Variants in TAPT1 observed in about 807,000 individuals in gnomAD.
TAPT1 encodes transmembrane anterior posterior transformation protein 1 homolog.
Under a neutral mutation model 65.6 loss-of-function variants are expected in TAPT1, and 28 were observed. That is an observed-to-expected ratio of 0.43 (90% CI 0.32 to 0.59). TAPT1 has a LOEUF of 0.59. Among genes scored for constraint, TAPT1 ranks in the 20% least tolerant of loss-of-function variants. The pLI is 0.09. For missense variants in TAPT1, 563 were observed against 679.9 expected (o/e 0.83, Z 1.91); for synonymous variants, 278 against 245.2 (o/e 1.13, Z -1.25).
chr4:16,169,205 T>A (rs1440008377), intron 12 of TAPT1, among the ~76,000 whole-genome samples: 1 of 152,156 alleles, frequency 6.6e-6, no homozygotes, highest in African/African-American at 2.4e-5. Flanking sequence ...TGAGGCGACA[T>A]GGGAGGCTGG....
chr4:16,193,708 T>G (rs548800337), intron 3 of TAPT1, among the ~76,000 whole-genome samples: 2 of 152,198 alleles, frequency 1.3e-5, no homozygotes, highest in Non-Finnish European at 2.9e-5. Flanking sequence ...GGCCTTGGTG[T>G]GACTGTCTCC....
intron 13 of TAPT1, among the ~76,000 whole-genome samples, chr4:16,165,886 T>C (rs564106849): frequency 3.3e-4 from 51 of 152,260 alleles, no homozygotes; most frequent in African/African-American, 1.1e-3. Flanking sequence ...CCCACCCCTC[T>C]GGAGTTTATT....
chr4:16,163,416 A>C lies in TAPT1; in HGVS notation c.1596T>G (p.Gly532=). The C allele has an allele frequency of 3.1e-6, 5 of 1,613,922 alleles. No homozygotes were observed. The highest frequency in any genetic ancestry group is 4.2e-6 in the Non-Finnish European group (5 of 1,179,858). The change falls in exon 14 of 14, where the codon GGT becomes GGG. Residue 532 remains glycine (G), a synonymous_variant. Coordinates refer to ENST00000405303, the MANE Select transcript of TAPT1 (RefSeq NM_153365.3). The part of the protein sequence containing the change: ...NSDQFLTTPD[G]DEKDITQDNS... ...TGTCCTGCGTTATGTCCTTCTCGTCACCATCTGGAGTTGTCAAAAACTGAT... is the reference window on the plus strand; with the variant it reads ...TGTCCTGCGTTATGTCCTTCTCGTCCCCATCTGGAGTTGTCAAAAACTGAT...
chr4:16,207,289 T>A (rs77139521), intron 2 of TAPT1, among the ~76,000 whole-genome samples: 6,421 of 152,290 alleles, frequency 0.042, 220 homozygotes, highest in African/African-American at 0.086. Flanking sequence ...AGTTTCACAA[T>A]GAAATCCCAG....
intron 7 of TAPT1, 67 bp from the exon 8 acceptor site, chr4:16,179,724 ATTAT>A (rs1748590017): frequency 1.3e-6 from 1 of 769,822 alleles, no homozygotes; most frequent in Non-Finnish European, 2.0e-6. Context: ...TACATATATA[ATTAT>A]TTTAGCCAGA....
chr4:16,174,514 A>G (rs1748204140), intron 10 of TAPT1, 156 bp downstream of exon 10: 1 of 713,952 alleles, frequency 1.4e-6, no homozygotes, highest in Non-Finnish European at 2.3e-6. Flanking sequence ...TATTATTCTT[A>G]ATTTGTAAAT....
chr4:16,174,710 G>C lies in TAPT1; in HGVS notation c.1127C>G (p.Ala376Gly). The change falls in exon 10 of 14, where the codon GCC (alanine) becomes GGC (glycine). Residue 376 changes from alanine (A) to glycine (G), a missense_variant. Transcript: ENST00000405303. ...GCTAACAAGGTCAAAAGCAAGACTGGCTCTATATTCACTGTAGACCTAAAA... is the reference window on the plus strand; with the variant it reads ...GCTAACAAGGTCAAAAGCAAGACTGCCTCTATATTCACTGTAGACCTAAAA... ...ITADVYSEYR[A>G]SLAFDLVSSR... The C allele has an allele frequency of 3.1e-6, 5 of 1,591,020 alleles. No homozygotes were observed. Among genetic ancestry groups the C allele is most frequent in the Non-Finnish European group, 4.3e-6 (5 of 1,168,040 alleles).
At chr4:16,182,327 A>T (rs1748757032) in intron 7 of TAPT1, among the ~76,000 whole-genome samples, 1 of 152,184 alleles carries the variant, frequency 6.6e-6, no homozygotes, top group African/African-American at 2.4e-5. Context: ...ATACCATCTC[A>T]TCTTCAGAAT....
At chr4:16,171,004 TTCGGCCCTATACTTAGGTCATGAATG>T (rs1333077377) in intron 11 of TAPT1, among the ~76,000 whole-genome samples, 2 of 152,206 alleles carry the variant, frequency 1.3e-5, no homozygotes, top group Admixed American at 1.3e-4. Flanking sequence ...ACTCTCTAAG[TTCGGCCCTATACTTAGGTCATGAATG>T]TCACACTTAT....
intron 4 of TAPT1, among the ~76,000 whole-genome samples, chr4:16,189,340 T>C (rs368943701): frequency 6.6e-5 from 10 of 152,224 alleles, no homozygotes; most frequent in African/African-American, 2.4e-4. Context: ...TCCTTGTTTA[T>C]TGTCTATCTC....
chr4:16,191,630 A>G, intron 3 of TAPT1, 107 bp from the exon 4 acceptor site: 2 of 1,189,894 alleles, frequency 1.7e-6, no homozygotes, highest in African/African-American at 1.5e-5. Context: ...AAAAATAAGA[A>G]TTATGTTGAT....
chr4:16,213,114 T>C (rs1287845827), intron 2 of TAPT1, among the ~76,000 whole-genome samples: 1 of 152,242 alleles, frequency 6.6e-6, no homozygotes, highest in African/African-American at 2.4e-5. Flanking sequence ...TTATTTCTTC[T>C]TTTCTTTTAG....
rs769457044 is a variant in TAPT1, at chr4:16,174,652, C to T, written c.1167+18G>A. 4.4e-5 allele frequency: 70 copies of T among 1,577,440 alleles called. No homozygotes were observed. The highest frequency in any genetic ancestry group is 5.7e-5 in the Non-Finnish European group (66 of 1,160,362). On this transcript the variant is annotated intron_variant, in intron 10 of 13. Transcript: ENST00000405303. ...ATGCCTTTGTTAATTTCAGACTACG[C>T]CCTTGATAAATGCTCACATTTTTCT...
chr4:16,225,100 C>T (rs1751467364), intron 1 of TAPT1, among the ~76,000 whole-genome samples: 1 of 152,122 alleles, frequency 6.6e-6, no homozygotes, highest in African/African-American at 2.4e-5. Flanking sequence ...GAGAACTAAA[C>T]CAAATAAAGT....
chr4:16,174,884 T>C, intron 9 of TAPT1, 155 bp from the exon 10 acceptor site: 1 of 527,394 alleles, frequency 1.9e-6, no homozygotes. Flanking sequence ...TTTGTTTTCC[T>C]ACAGTAAAGG....
intron 11 of TAPT1, among the ~76,000 whole-genome samples, 164 bp from the exon 12 acceptor site, chr4:16,170,893 T>C (rs1432243979): frequency 6.6e-6 from 1 of 152,184 alleles, no homozygotes; most frequent in Non-Finnish European, 1.5e-5. Flanking sequence ...TGTTGATTTG[T>C]ATCAAAATCT....
At chr4:16,183,000 T>A (rs1285840518) in intron 7 of TAPT1, 1 of 152,082 alleles carries the variant, frequency 6.6e-6, no homozygotes, top group Non-Finnish European at 1.5e-5. Context: ...GGAGAAAAAA[T>A]TCATAGGAAA....
chr4:16,172,452 CTATTT>C (rs1266198310), intron 11 of TAPT1, among the ~76,000 whole-genome samples: 2 of 151,826 alleles, frequency 1.3e-5, no homozygotes, highest in Admixed American at 6.6e-5. Flanking sequence ...ATTTAATATT[CTATTT>C]TATCAATCTC....
intron 12 of TAPT1, among the ~76,000 whole-genome samples, chr4:16,169,324 C>A (rs1319906935): frequency 3.3e-5 from 5 of 152,210 alleles, no homozygotes; most frequent in African/African-American, 4.8e-5. Context: ...GTAGCATATA[C>A]ATGCTTCATT....
Sources: allele counts gnomAD v4.1 joint callset (sites outside exome capture counted in the v4.1 genomes callset), GRCh38; gene constraint gnomAD v4.1.1; transcripts MANE v1.5; gene names NCBI Gene and HGNC (gene_info 2026-07-23, HGNC 2026-07-21).